The following RAB11FIP4 variants were observed in gnomAD, a reference collection of about 807,000 sequenced individuals.
RAB11FIP4 encodes RAB11 family interacting protein 4.
A neutral mutation model predicts 74.3 loss-of-function variants in RAB11FIP4; 23 were observed. That is an observed-to-expected ratio of 0.31 (90% CI 0.22 to 0.44). The LOEUF (loss-of-function observed/expected upper bound fraction) is 0.44. Ranked by LOEUF, RAB11FIP4 falls within the 20% of genes least tolerant of loss-of-function variation. The probability of loss-of-function intolerance (pLI) is 1.00; values close to 1 mark genes in which losing one functional copy is unlikely to be tolerated. For synonymous variants in RAB11FIP4, 360 were observed against 359.9 expected, an observed-to-expected ratio of 1.00 and a Z score of 0.00; for missense variants, 630 against 863.9, an observed-to-expected ratio of 0.73 and a Z score of 3.39.
chr17:31,476,935 G>A (rs1418257531), intron 3 of RAB11FIP4, among the ~76,000 whole-genome samples: 9 of 152,206 alleles, frequency 5.9e-5, no homozygotes, highest in Non-Finnish European at 8.8e-5. Flanking sequence ...CCAGTCTCCC[G>A]ACACCAGCCC....
chr17:31,499,785 G>A (rs1443566562), intron 3 of RAB11FIP4, among the ~76,000 whole-genome samples: 2 of 152,190 alleles, frequency 1.3e-5, no homozygotes, highest in African/African-American at 4.8e-5. Flanking sequence ...TCTCTGAGTT[G>A]TGGCTCCACT....
intron 3 of RAB11FIP4, among the ~76,000 whole-genome samples, chr17:31,506,958 C>T (rs765889061): frequency 1.3e-5 from 2 of 152,078 alleles, no homozygotes; most frequent in East Asian, 1.9e-4. Context: ...ACCTCCATAC[C>T]GTTGTCCATA....
At chr17:31,508,489 A>G (rs956375115) in intron 3 of RAB11FIP4, among the ~76,000 whole-genome samples, 2 of 152,226 alleles carry the variant, frequency 1.3e-5, no homozygotes, top group Admixed American at 1.3e-4. Flanking sequence ...GAACTTGGAC[A>G]CAGGGGCCAA....
intron 1 of RAB11FIP4, among the ~76,000 whole-genome samples, chr17:31,423,142 A>C (rs6505243): frequency 6.6e-6 from 1 of 151,866 alleles, no homozygotes; most frequent in Non-Finnish European, 1.5e-5. Context: ...GATGGTCTCT[A>C]TCTCCTGACC....
intron 3 of RAB11FIP4, among the ~76,000 whole-genome samples, chr17:31,459,071 C>T (rs141869089): frequency 6.6e-6 from 1 of 152,276 alleles, no homozygotes; most frequent in African/African-American, 2.4e-5. Flanking sequence ...AACTCTCACT[C>T]ATCATGTCTG....
chr17:31,530,989 C>T (rs2072861921), intron 14 of RAB11FIP4: 1 of 159,076 alleles, frequency 6.3e-6, no homozygotes, highest in Admixed American at 5.9e-5. Context: ...ACCCTTCCTG[C>T]CACACCAGAG....
intron 3 of RAB11FIP4, among the ~76,000 whole-genome samples, chr17:31,476,166 A>T (rs2142733323): frequency 1.4e-5 from 2 of 138,788 alleles, no homozygotes; most frequent in African/African-American, 5.6e-5. Flanking sequence ...ATGAGAATCG[A>T]CTGAACTTTT....
chr17:31,519,695 C>T (rs541191654), intron 4 of RAB11FIP4, among the ~76,000 whole-genome samples: 1 of 152,136 alleles, frequency 6.6e-6, no homozygotes, highest in South Asian at 2.1e-4. Context: ...TTTCCATCTT[C>T]AAAAAAGTAA....
At chr17:31,414,764 A>T (rs1192858257) in intron 1 of RAB11FIP4, among the ~76,000 whole-genome samples, 2 of 152,296 alleles carry the variant, frequency 1.3e-5, no homozygotes, top group East Asian at 3.9e-4. Flanking sequence ...CTCCCCTCCC[A>T]TCACCACCTT....
chr17:31,418,973 C>G (rs1380057367), intron 1 of RAB11FIP4, among the ~76,000 whole-genome samples: 3 of 152,114 alleles, frequency 2.0e-5, no homozygotes, highest in Non-Finnish European at 2.9e-5. Flanking sequence ...GCTCTTGGCA[C>G]CCACTGATCT....
intron 3 of RAB11FIP4, among the ~76,000 whole-genome samples, chr17:31,483,285 T>G (rs575596351): frequency 2.6e-5 from 4 of 151,854 alleles, no homozygotes; most frequent in East Asian, 1.9e-4. Flanking sequence ...TGGACCAGGT[T>G]TGACTGATGC....
intron 3 of RAB11FIP4, among the ~76,000 whole-genome samples, chr17:31,442,183 TAG>T (rs1189996606): frequency 6.6e-6 from 1 of 152,070 alleles, no homozygotes; most frequent in Non-Finnish European, 1.5e-5. Context: ...GTATTTTTAG[TAG>T]AGACAGGGTT....
At chr17:31,408,756 G>A (rs2071065395) in intron 1 of RAB11FIP4, among the ~76,000 whole-genome samples, 1 of 152,218 alleles carries the variant, frequency 6.6e-6, no homozygotes, top group South Asian at 2.1e-4. Flanking sequence ...GACATGTGCT[G>A]GAACATTGGC....
rs775250776 is a variant in RAB11FIP4 at position 31,436,944 on chromosome 17, T to C, written c.336+2822T>C. Among the ~76,000 whole-genome samples the C allele has an allele frequency of 5.3e-5, 8 of 151,992 alleles. No individual in the cohort carries two copies. The South Asian group carries it at 1.7e-3, about 32-fold the overall frequency. On this transcript the variant is annotated intron_variant, in intron 3 of 14. Coordinates refer to ENST00000621161, the MANE Select transcript of RAB11FIP4 (RefSeq NM_032932.6). ...CTGGGACTACAGGTGCCCGCCACCA[T>C]GCCCAGCTAATTTTTTTTTGTATTT...
intron 3 of RAB11FIP4, among the ~76,000 whole-genome samples, chr17:31,485,132 A>G (rs1442663072): frequency 6.6e-6 from 1 of 152,236 alleles, no homozygotes. Flanking sequence ...CACAACTGCA[A>G]GAGGAAATGT....
intron 3 of RAB11FIP4, among the ~76,000 whole-genome samples, chr17:31,508,334 A>G (rs1328169828): frequency 6.6e-6 from 1 of 152,168 alleles, no homozygotes; most frequent in African/African-American, 2.4e-5. Context: ...ACACCCCACA[A>G]CTTGAGTCCA....
chr17:31,407,040 A>ATTTTTTTTTTTTTTTTT (rs59919036), intron 1 of RAB11FIP4, among the ~76,000 whole-genome samples: 1 of 51,208 alleles, frequency 2.0e-5, no homozygotes, highest in Non-Finnish European at 3.5e-5. Context: ...GTTTCACTTG[A>ATTTTTTTTTTTTTTTTT]TTTTTTTTTT....
chr17:31,395,856 T>C (rs1292420655), intron 1 of RAB11FIP4, among the ~76,000 whole-genome samples: 2 of 152,162 alleles, frequency 1.3e-5, no homozygotes, highest in Admixed American at 6.5e-5. Context: ...GATAGTTCCC[T>C]ACTTTGTTGA....
chr17:31,516,968 A>T (rs971780491), intron 3 of RAB11FIP4, among the ~76,000 whole-genome samples: 5 of 151,528 alleles, frequency 3.3e-5, no homozygotes, highest in Admixed American at 6.6e-5. Context: ...CAGAGGCCAA[A>T]GTGAAGTTAC....
Sources: allele counts gnomAD v4.1 joint callset (sites outside exome capture counted in the v4.1 genomes callset), GRCh38; gene constraint gnomAD v4.1.1; transcripts MANE v1.5; gene names NCBI Gene and HGNC (gene_info 2026-07-23, HGNC 2026-07-21).